The following SEPHS1 variants were observed in gnomAD, a reference collection of about 807,000 sequenced individuals.
SEPHS1 encodes the protein zincore component SEPHS1.
SEPHS1 carries 7 observed loss-of-function variants against 39.2 expected under a neutral mutation model. The observed-to-expected ratio is 0.18, with a 90% CI of 0.10 to 0.34. The LOEUF (loss-of-function observed/expected upper bound fraction) is 0.34. Among genes scored for constraint, SEPHS1 ranks in the 10% least tolerant of loss-of-function variants. The probability of loss-of-function intolerance (pLI) is 1.00; values close to 1 mark genes in which losing one functional copy is unlikely to be tolerated. For missense variants in SEPHS1, 253 were observed against 514.5 expected, an observed-to-expected ratio of 0.49 and a Z score of 4.92; for synonymous variants, 190 against 195.5, an observed-to-expected ratio of 0.97 and a Z score of 0.23.
At chr10:13,326,341 G>A (rs1253391941) in intron 7 of SEPHS1, among the ~76,000 whole-genome samples, 1 of 152,062 alleles carries the variant, frequency 6.6e-6, no homozygotes, top group African/African-American at 2.4e-5. Flanking sequence ...AGGCGTGGTG[G>A]CGGGCGCCTA....
intron 1 of SEPHS1, among the ~76,000 whole-genome samples, chr10:13,347,798 G>C (rs1266289230): frequency 5.9e-5 from 8 of 136,752 alleles, no homozygotes; most frequent in Non-Finnish European, 9.5e-5. Flanking sequence ...CGGCGGCGGC[G>C]CGGGCGGCGC....
intron 8 of SEPHS1, chr10:13,322,191 G>C (rs1055491870): frequency 8.4e-6 from 3 of 357,402 alleles, no homozygotes; most frequent in Non-Finnish European, 1.6e-5. Flanking sequence ...ACCCAGGCTG[G>C]AGTGCAGTGG....
chr10:13,322,499 AT>A (rs1039641258), intron 8 of SEPHS1, among the ~76,000 whole-genome samples: 6 of 152,196 alleles, frequency 3.9e-5, no homozygotes, highest in Non-Finnish European at 8.8e-5. Context: ...AAGGAAAAAA[AT>A]ATCACCTGTT....
At position 13,322,935 on chromosome 10, in the gene SEPHS1, A is replaced by G. The variant is rs1398604606; in HGVS notation, c.864T>C (p.Phe288=). The change falls in exon 8 of 9, where the codon TTT becomes TTC. Residue 288 remains phenylalanine (F), a synonymous_variant. Coordinates refer to ENST00000327347, the MANE Select transcript of SEPHS1 (RefSeq NM_012247.5). ...LAKQQRNEVS[F]VIHNLPVLAK... ...CCAGCACCGGGAGGTTGTGAATTAC[A>G]AACGACACCTCGTTCCTCTGCTGCT... 6.2e-6 allele frequency: 10 copies of G among 1,614,020 alleles called. No homozygotes were observed. Among genetic ancestry groups the G allele is most frequent in the Non-Finnish European group, 8.5e-6 (10 of 1,179,908 alleles).
intron 7 of SEPHS1, among the ~76,000 whole-genome samples, chr10:13,324,482 C>A (rs1368918063): frequency 6.6e-6 from 1 of 152,216 alleles, no homozygotes; most frequent in African/African-American, 2.4e-5. Flanking sequence ...CATATAATAA[C>A]ATATTTAGTT....
chr10:13,333,902 C>T lies in SEPHS1; in HGVS notation c.475G>A (p.Val159Ile), dbSNP rs150474037. The change falls in exon 5 of 9, where the codon GTA (valine) becomes ATA (isoleucine). Residue 159 changes from valine to isoleucine, a missense_variant. Around this residue, in one of 4 missense-constraint regions of SEPHS1, gnomAD observed 107 missense variants for 257.1 expected, o/e 0.42. Transcript: ENST00000327347. ...TTTAGTACTGTTTGGCCGCCTGTTA[C>T]AGATGTTCCTGCTTCCTCAGCTGCG... Reference protein sequence around the residue: ...KDAAEEAGTSVTGGQTVLNPW... With the variant: ...KDAAEEAGTSITGGQTVLNPW... 2.2e-5 allele frequency: 35 copies of T among 1,613,832 alleles called. No individual in the cohort carries two copies. The highest frequency in any genetic ancestry group is 2.7e-5 in the Non-Finnish European group (32 of 1,179,802).
chr10:13,336,524 C>G (rs1323494658), intron 3 of SEPHS1, 174 bp from the exon 4 acceptor site: 1 of 639,836 alleles, frequency 1.6e-6, no homozygotes, highest in Admixed American at 2.4e-5. Flanking sequence ...TCCTGCATCA[C>G]AGAGTCACTA....
chr10:13,335,892 A>T (rs1833614417), intron 4 of SEPHS1, among the ~76,000 whole-genome samples: 2 of 148,624 alleles, frequency 1.3e-5, no homozygotes, highest in South Asian at 4.3e-4. Context: ...AGGCAGGAGA[A>T]TTGTTTGAAC....
At chr10:13,339,081 C>T (rs955250394) in intron 2 of SEPHS1, among the ~76,000 whole-genome samples, 3 of 152,168 alleles carry the variant, frequency 2.0e-5, no homozygotes, top group Non-Finnish European at 4.4e-5. Context: ...GAATAAAAAT[C>T]TTTTTCACTG....
At chr10:13,326,230 C>T (rs970831200) in intron 7 of SEPHS1, among the ~76,000 whole-genome samples, 1 of 152,034 alleles carries the variant, frequency 6.6e-6, no homozygotes, top group Admixed American at 6.5e-5. Flanking sequence ...AATCCCAGTA[C>T]TTTGGGAGGC....
intron 2 of SEPHS1, among the ~76,000 whole-genome samples, chr10:13,342,105 A>G (rs1380363838): frequency 6.6e-6 from 1 of 150,802 alleles, no homozygotes; most frequent in Non-Finnish European, 1.5e-5. Context: ...GTCTCTACTA[A>G]AAATACAAAA....
At chr10:13,331,952 G>A (rs547727466) in intron 5 of SEPHS1, among the ~76,000 whole-genome samples, 10 of 152,354 alleles carry the variant, frequency 6.6e-5, no homozygotes, top group South Asian at 4.1e-4. Context: ...TGCTGGGAAC[G>A]TAAAATGGCG....
At chr10:13,321,242 T>C (rs647253) in intron 8 of SEPHS1, among the ~76,000 whole-genome samples, 54,838 of 148,586 alleles carry the variant, frequency 0.37, 10,266 homozygotes, top group Middle Eastern at 0.45. Flanking sequence ...GGGCTAGGCA[T>C]GTGTATTTTT....
At chr10:13,342,410 G>A (rs1263312399) in intron 2 of SEPHS1, among the ~76,000 whole-genome samples, 6 of 151,466 alleles carry the variant, frequency 4.0e-5, no homozygotes, top group African/African-American at 9.7e-5. Flanking sequence ...TTGAAACCCC[G>A]TCTCTACTAA....
intron 7 of SEPHS1, among the ~76,000 whole-genome samples, chr10:13,325,957 AAAAAAAAT>A (rs1490917733): frequency 9.0e-6 from 1 of 110,600 alleles, no homozygotes; most frequent in Non-Finnish European, 1.8e-5. Flanking sequence ...AAAAAAAAAA[AAAAAAAAT>A]AATAATAATA....
chr10:13,335,789 G>A (rs769487169), intron 4 of SEPHS1, among the ~76,000 whole-genome samples: 3 of 151,882 alleles, frequency 2.0e-5, no homozygotes, highest in Non-Finnish European at 4.4e-5. Context: ...GGAACAGCCT[G>A]GCCAACGTGA....
chr10:13,326,209 C>T (rs1833284102), intron 7 of SEPHS1, among the ~76,000 whole-genome samples: 1 of 152,124 alleles, frequency 6.6e-6, no homozygotes, highest in Admixed American at 6.5e-5. Context: ...GGTGCAGTGG[C>T]TCACGCCTGT....
intron 5 of SEPHS1, among the ~76,000 whole-genome samples, chr10:13,333,436 C>T (rs556235482): frequency 1.1e-3 from 163 of 149,708 alleles, no homozygotes; most frequent in Non-Finnish European, 1.8e-3. Context: ...CCCAGCCTTG[C>T]GTTCTTGTCT....
intron 5 of SEPHS1, among the ~76,000 whole-genome samples, chr10:13,331,272 G>A (rs904876379): frequency 2.0e-5 from 3 of 152,160 alleles, no homozygotes; most frequent in African/African-American, 7.2e-5. Flanking sequence ...CTTAGCTATT[G>A]TGAATAGTGC....
Sources: gnomAD v4.1 joint callset for allele counts (sites outside exome capture counted in the v4.1 genomes callset) on GRCh38, gnomAD v4.1.1 for gene constraint, gnomAD v4.1.1 regional missense constraint, MANE v1.5 for transcripts, NCBI Gene and HGNC (gene_info 2026-07-23, HGNC 2026-07-21) for gene names.